OR2AJ1: variants seen among roughly 807,000 people sequenced by gnomAD.
The protein encoded by OR2AJ1 is olfactory receptor family 2 subfamily AJ member 1, also known as olfactory receptor 2AJ1.
For synonymous variants in OR2AJ1, 105 were observed against 60.3 expected (o/e 1.74, Z -3.44); for missense variants, 280 against 163.2 (o/e 1.72, Z -3.90).
intron 1 of OR2AJ1, among the ~76,000 whole-genome samples, chr1:247,927,817 T>C (rs1660109926): frequency 1.3e-5 from 2 of 152,184 alleles, no homozygotes; most frequent in African/African-American, 4.8e-5. Context: ...CAACATAATG[T>C]CATCCAGGCT....
At chr1:247,927,692 A>G (rs1236420676) in intron 1 of OR2AJ1, among the ~76,000 whole-genome samples, 2 of 152,064 alleles carry the variant, frequency 1.3e-5, no homozygotes, top group African/African-American at 4.8e-5. Context: ...CGTGTTTCCC[A>G]GCCTCGAGTA....
chr1:247,927,784 T>A (rs1434307218), intron 1 of OR2AJ1, among the ~76,000 whole-genome samples: 2 of 152,180 alleles, frequency 1.3e-5, no homozygotes, highest in Non-Finnish European at 2.9e-5. Flanking sequence ...TATACATCCT[T>A]CTGTGCCCTG....
chr1:247,933,476 G>T (rs1245836150), intron 1 of OR2AJ1, among the ~76,000 whole-genome samples: 1 of 152,134 alleles, frequency 6.6e-6, no homozygotes, highest in Non-Finnish European at 1.5e-5. Context: ...GAAAAGAGTA[G>T]ATTTGAGTAA....
Position 247,933,996 on chromosome 1 carries a change from C to T in OR2AJ1, c.228C>T (p.Asn76=), listed in dbSNP as rs956191576. 3 of 717,612 alleles carry T rather than the reference C, an allele frequency of 4.2e-6. No individual in the cohort carries two copies. The highest frequency in any genetic ancestry group is 7.8e-6 in the Non-Finnish European group (3 of 385,114). The allele number at this position is 717,612 out of a possible 1,614,324, so 44.5% of individuals were successfully genotyped here. A position where few individuals can be genotyped will look rare whatever the true frequency, so the allele number is the denominator to read the frequency against. The part of the protein sequence containing the change: ...LSLMDILHVS[N]IVPKMVTNFL... Reference sequence around the variant, plus strand: ...TAATGGATATCTTGCATGTTTCCAACATCGTTCCCAAAATGGTCACTAACT... The same window carrying T: ...TAATGGATATCTTGCATGTTTCCAATATCGTTCCCAAAATGGTCACTAACT... The change falls in exon 2 of 2, where the codon AAC becomes AAT. Residue 76 remains asparagine, a synonymous_variant. Transcript: ENST00000318244.
At position 247,925,118 on chromosome 1, in the gene OR2AJ1, T is replaced by C. The variant is rs1314857274; in HGVS notation, c.-73T>C. 6.6e-6 allele frequency: 1 copy of C among 152,362 alleles called. No homozygotes were observed. The highest frequency in any genetic ancestry group is 1.5e-5 in the Non-Finnish European group (1 of 68,214). The allele number at this position is 152,362 out of a possible 1,614,324, so 9.4% of individuals were successfully genotyped here. On this transcript the variant is annotated 5_prime_UTR_variant, in exon 1 of 2. Coordinates refer to ENST00000318244, the MANE Select transcript of OR2AJ1 (RefSeq NM_001355235.2). ...GGAGGAAGGGGTGTTGAGCCCAGTG[T>C]GCTAAATGTGAAAGGCCCTGCCTGG...
chr1:247,925,412 AG>A (rs1276328120), intron 1 of OR2AJ1, among the ~76,000 whole-genome samples: 1 of 152,142 alleles, frequency 6.6e-6, no homozygotes, highest in Non-Finnish European at 1.5e-5. Context: ...GTCTCCATGG[AG>A]GGAAGATTTA....
intron 1 of OR2AJ1, among the ~76,000 whole-genome samples, chr1:247,931,481 G>C (rs1450770720): frequency 6.6e-6 from 1 of 152,114 alleles, no homozygotes; most frequent in African/African-American, 2.4e-5. Context: ...GTTAAGCCAA[G>C]AGATATGAAA....
In OR2AJ1 at chr1:247,934,886, G is replaced by A. The variant is rs925208026; in HGVS notation, c.*131G>A. On this transcript the variant is annotated 3_prime_UTR_variant, in exon 2 of 2. Coordinates refer to ENST00000318244, the MANE Select transcript of OR2AJ1 (RefSeq NM_001355235.2). ...TAATATGTGTTTGTGTTGTAAACAC[G>A]TACCTCTAAAAATGTAGTGTTCCTT... 34 of 578,534 alleles carry A rather than the reference G, an allele frequency of 5.9e-5. No homozygotes were observed. The highest frequency in any genetic ancestry group is 1.8e-4 in the South Asian group (8 of 44,476). The allele number at this position is 578,534 out of a possible 1,614,324, so 35.8% of individuals were successfully genotyped here.
intron 1 of OR2AJ1, among the ~76,000 whole-genome samples, chr1:247,928,669 T>G (rs1317811904): frequency 6.6e-6 from 1 of 152,186 alleles, no homozygotes; most frequent in African/African-American, 2.4e-5. Context: ...CAGGGCAGCT[T>G]TTGTGATTGG....
At chr1:247,932,801 G>A (rs1660168642) in intron 1 of OR2AJ1, among the ~76,000 whole-genome samples, 1 of 152,010 alleles carries the variant, frequency 6.6e-6, no homozygotes, top group Non-Finnish European at 1.5e-5. Flanking sequence ...TACAGAAGGT[G>A]CACAAATAAC....
At chr1:247,932,447 A>C (rs1660164468) in intron 1 of OR2AJ1, among the ~76,000 whole-genome samples, 2 of 152,260 alleles carry the variant, frequency 1.3e-5, no homozygotes, top group Non-Finnish European at 2.9e-5. Flanking sequence ...TCTAGGTCAT[A>C]GCACACAACT....
intron 1 of OR2AJ1, among the ~76,000 whole-genome samples, chr1:247,932,653 G>A (rs969012287): frequency 2.0e-5 from 3 of 152,040 alleles, no homozygotes; most frequent in Non-Finnish European, 2.9e-5. Flanking sequence ...TTTAATGTTT[G>A]TTATTTGTTT....
intron 1 of OR2AJ1, among the ~76,000 whole-genome samples, chr1:247,926,018 G>A (rs943982548): frequency 6.6e-6 from 1 of 152,248 alleles, no homozygotes; most frequent in African/African-American, 2.4e-5. Flanking sequence ...CATACATAAT[G>A]TACTAAAGTG....
At chr1:247,931,499 G>A (rs1383428931) in intron 1 of OR2AJ1, among the ~76,000 whole-genome samples, 1 of 152,152 alleles carries the variant, frequency 6.6e-6, no homozygotes, top group African/African-American at 2.4e-5. Context: ...AAAAAAAGTT[G>A]CAGAAATATG....
intron 1 of OR2AJ1, among the ~76,000 whole-genome samples, chr1:247,932,308 C>A (rs1455346545): frequency 6.6e-6 from 1 of 152,208 alleles, no homozygotes. Flanking sequence ...TACACTCCAG[C>A]ATGGGCAACA....
In OR2AJ1 at chr1:247,934,518, G is replaced by A. The variant is rs768991822; in HGVS notation, c.750G>A (p.Met250Ile). Reference protein sequence around the residue: ...TCSFHMIVVTMYYGPFIFTYM... With the variant: ...TCSFHMIVVTIYYGPFIFTYM... ...CCTTCCACATGATTGTGGTCACGAT[G>A]TACTATGGGCCATTTATTTTTACAT... Residue 250 changes from methionine (M) to isoleucine (I), a missense_variant, in exon 2 of 2, where the codon ATG becomes ATA. Physicochemically the swap from Met to Ile is conservative, Grantham distance 10 (BLOSUM62 1). Coordinates refer to ENST00000318244, the MANE Select transcript of OR2AJ1 (RefSeq NM_001355235.2). The A allele has an allele frequency of 5.6e-6, 4 of 717,534 alleles. No homozygotes were observed. The highest frequency in any genetic ancestry group is 4.4e-5 in the South Asian group (3 of 67,598). The allele number at this position is 717,534 out of a possible 1,614,324, so 44.4% of individuals were successfully genotyped here. A position where few individuals can be genotyped will look rare whatever the true frequency, so the allele number is the denominator to read the frequency against.
rs745333530 is a variant in OR2AJ1 at position 247,934,479 on chromosome 1, A to T, written c.711A>T (p.Ser237=). ...QMKSSEARKK[S]FSTCSFHMIV... The stretch of plus-strand genomic sequence containing the variant: ...AATCATCAGAGGCAAGGAAAAAGTC[A>T]TTTTCCACTTGTTCCTTCCACATGA... The change falls in exon 2 of 2, where the codon TCA becomes TCT. Residue 237 remains serine (S), a synonymous_variant. Transcript: ENST00000318244. The T allele has an allele frequency of 1.4e-6, 1 of 717,418 alleles. No homozygotes were observed. The highest frequency in any genetic ancestry group is 2.6e-6 in the Non-Finnish European group (1 of 385,092). 44.4% of individuals were successfully genotyped at this position (717,418 alleles called of 1,614,324 possible). A position where few individuals can be genotyped will look rare whatever the true frequency, so the allele number is the denominator to read the frequency against.
chr1:247,927,616 T>G (rs933699055), intron 1 of OR2AJ1, among the ~76,000 whole-genome samples: 1 of 152,048 alleles, frequency 6.6e-6, no homozygotes, highest in African/African-American at 2.4e-5. Flanking sequence ...ACACTAGAAC[T>G]TATTCTTCCA....
At chr1:247,928,392 A>T (rs964011390) in intron 1 of OR2AJ1, among the ~76,000 whole-genome samples, 1 of 152,158 alleles carries the variant, frequency 6.6e-6, no homozygotes, top group African/African-American at 2.4e-5. Flanking sequence ...CCTCGCATAT[A>T]CTATATATTA....
Sources: allele counts gnomAD v4.1 joint callset (sites outside exome capture counted in the v4.1 genomes callset), GRCh38; gene constraint gnomAD v4.1.1; transcripts MANE v1.5; gene names NCBI Gene and HGNC (gene_info 2026-07-23, HGNC 2026-07-21).